Variants in NAV3 observed in about 807,000 individuals in gnomAD.
The protein encoded by NAV3 is pore membrane and/or filament interacting like protein 1.
NAV3 carries 87 observed loss-of-function variants against 244.7 expected under a neutral mutation model. The observed-to-expected ratio is 0.36, with a 90% CI of 0.30 to 0.42. The LOEUF (loss-of-function observed/expected upper bound fraction) is 0.42. NAV3 is among the 20% of genes least tolerant of loss of function. The pLI is 1.00. For synonymous variants in NAV3, 1,126 were observed against 1,042.2 expected (o/e 1.08, Z -1.55); for missense variants, 2,663 against 2,893.3 (o/e 0.92, Z 1.83).
At chr12:78,178,177 T>G (rs1461457520) in intron 28 of NAV3, among the ~76,000 whole-genome samples, 3 of 99,498 alleles carry the variant, frequency 3.0e-5, no homozygotes, top group Non-Finnish European at 4.3e-5. Context: ...TTTTTTTTTT[T>G]GAAACAAAGT....
intron 23 of NAV3, 45 bp downstream of exon 23, chr12:78,159,331 T>C (rs749845470): frequency 6.8e-7 from 1 of 1,466,944 alleles, no homozygotes; most frequent in South Asian, 1.1e-5. Context: ...AGACAGCAAA[T>C]TGCATAGGAT....
chr12:78,112,407 A>T (rs1955144396), intron 12 of NAV3, among the ~76,000 whole-genome samples: 1 of 152,174 alleles, frequency 6.6e-6, no homozygotes, highest in African/African-American at 2.4e-5. Context: ...GACATACCCC[A>T]AATTGGGTAC....
intron 2 of NAV3, among the ~76,000 whole-genome samples, chr12:77,645,535 C>CAAAAAAAAAAAA (rs1872574122): frequency 1.4e-5 from 1 of 69,292 alleles, no homozygotes; most frequent in African/African-American, 7.9e-5. Context: ...CTCTCTCTCT[C>CAAAAAAAAAAAA]TAAAAAAAAA....
At chr12:77,782,251 G>A (rs1313022636) in intron 2 of NAV3, among the ~76,000 whole-genome samples, 9 of 129,530 alleles carry the variant, frequency 6.9e-5, no homozygotes, top group South Asian at 4.8e-4. Context: ...CCCTCTCCCC[G>A]CCTCCAACTC....
chr12:78,210,589 A>G lies in NAV3; in HGVS notation c.*72A>G. 6.4e-7 allele frequency: 1 copy of G among 1,552,236 alleles called. No individual in the cohort carries two copies. Among genetic ancestry groups the G allele is most frequent in the Non-Finnish European group, 8.7e-7 (1 of 1,146,508 alleles). The stretch of plus-strand genomic sequence containing the variant: ...TTCAAAAGAAAGGTATTTTCACTAA[A>G]CCACTGCCAGTATAAAAGCACCCTG... On this transcript the variant is annotated 3_prime_UTR_variant, in exon 40 of 40. Coordinates refer to ENST00000397909, the MANE Select transcript of NAV3 (RefSeq NM_001024383.2).
At position 78,126,747 on chromosome 12, in the gene NAV3, A is replaced by G. The variant is rs188750263; in HGVS notation, c.4239-420A>G. On this transcript the variant is annotated intron_variant, in intron 16 of 39. Coordinates refer to ENST00000397909, the MANE Select transcript of NAV3 (RefSeq NM_001024383.2). ...GAAGACAAAAGATAAGTATTAAACA[A>G]TGTTTTATACCATCTCTGTCAATTG... is the stretch of plus-strand genomic sequence containing the variant. 2.0e-5 allele frequency among the ~76,000 whole-genome samples: 3 copies of G among 152,288 alleles called. No homozygotes were observed. In the East Asian group the frequency reaches 5.8e-4, roughly 29 times the overall value.
intron 3 of NAV3, among the ~76,000 whole-genome samples, chr12:77,965,387 A>T (rs1174971464): frequency 6.6e-6 from 1 of 152,204 alleles, no homozygotes; most frequent in East Asian, 1.9e-4. Context: ...TGGGAGGCCA[A>T]GGCGGGTGGA....
At chr12:78,137,107 C>G in intron 18 of NAV3, 70 bp from the exon 19 acceptor site, 2 of 1,411,074 alleles carry the variant, frequency 1.4e-6, no homozygotes, top group Non-Finnish European at 1.9e-6. Context: ...CATGTTCTTA[C>G]TTTCTATCAA....
chr12:77,670,783 A>ATT, intron 2 of NAV3, among the ~76,000 whole-genome samples: 1 of 152,050 alleles, frequency 6.6e-6, no homozygotes, highest in Non-Finnish European at 1.5e-5. Flanking sequence ...AGAAGGGGCA[A>ATT]ACCTTAGGGT....
At chr12:77,869,558 G>T (rs1880624381) in intron 1 of NAV3, among the ~76,000 whole-genome samples, 1 of 151,974 alleles carries the variant, frequency 6.6e-6, no homozygotes, top group South Asian at 2.1e-4. Context: ...TTCCATTTCT[G>T]CAGTTTCCTT....
chr12:77,974,067 T>A (rs927497807), intron 5 of NAV3, among the ~76,000 whole-genome samples: 4 of 152,020 alleles, frequency 2.6e-5, no homozygotes, highest in Non-Finnish European at 5.9e-5. Flanking sequence ...CACACACTTT[T>A]GTTACGTTCT....
chr12:77,593,878 C>A (rs1205311361), intron 2 of NAV3, among the ~76,000 whole-genome samples: 1 of 152,038 alleles, frequency 6.6e-6, no homozygotes, highest in Non-Finnish European at 1.5e-5. Flanking sequence ...ATGTTCATTT[C>A]TCAATATTTT....
intron 1 of NAV3, among the ~76,000 whole-genome samples, chr12:77,907,141 A>G (rs1886070488): frequency 6.6e-6 from 1 of 152,176 alleles, no homozygotes; most frequent in South Asian, 2.1e-4. Context: ...GGCTCATGCT[A>G]GCTACTCAAT....
chr12:77,645,465 C>G (rs7133124), intron 2 of NAV3, among the ~76,000 whole-genome samples: 2,431 of 146,454 alleles, frequency 0.017, 32 homozygotes, highest in African/African-American at 0.039. Context: ...CCTGGGGAAG[C>G]CTTTAAGTCA....
At chr12:77,711,623 C>T (rs1876117545) in intron 2 of NAV3, among the ~76,000 whole-genome samples, 2 of 152,180 alleles carry the variant, frequency 1.3e-5, no homozygotes, top group South Asian at 2.1e-4. Context: ...GCCCTGATGT[C>T]CTGTCAGTCC....
At chr12:77,958,128 T>G (rs1593114937) in intron 3 of NAV3, among the ~76,000 whole-genome samples, 1 of 152,330 alleles carries the variant, frequency 6.6e-6, no homozygotes, top group Admixed American at 6.5e-5. Flanking sequence ...TGAAACCCAA[T>G]TTGTAATTTA....
chr12:78,204,330 A>G (rs1170105988), intron 38 of NAV3, among the ~76,000 whole-genome samples: 1 of 152,126 alleles, frequency 6.6e-6, no homozygotes, highest in Non-Finnish European at 1.5e-5. Flanking sequence ...CGTTGTGCAC[A>G]TGTACCCTAA....
At chr12:77,788,588 A>C (rs1316880969) in intron 2 of NAV3, among the ~76,000 whole-genome samples, 1 of 148,956 alleles carries the variant, frequency 6.7e-6, no homozygotes, top group Non-Finnish European at 1.5e-5. Context: ...CACATGGAAT[A>C]CTCTTAAAAG....
intron 1 of NAV3, among the ~76,000 whole-genome samples, chr12:77,872,410 T>C (rs913868729): frequency 4.6e-5 from 7 of 152,182 alleles, no homozygotes; most frequent in Non-Finnish European, 1.0e-4. Context: ...ACAAAAGCAT[T>C]CAGAGAAAGA....
Sources: gnomAD v4.1 joint callset for allele counts (sites outside exome capture counted in the v4.1 genomes callset) on GRCh38, gnomAD v4.1.1 for gene constraint, MANE v1.5 for transcripts, NCBI Gene and HGNC (gene_info 2026-07-23, HGNC 2026-07-21) for gene names.